Variants in PARVB observed in about 807,000 individuals in gnomAD.
The protein encoded by PARVB is beta-parvin.
In PARVB, 46 loss-of-function variants were observed where a neutral mutation model predicts 47.0. That is an observed-to-expected ratio of 0.98 (90% CI 0.77 to 1.25). The LOEUF (loss-of-function observed/expected upper bound fraction) is 1.25. Among genes scored for constraint, PARVB ranks in the 50% most tolerant of loss-of-function variants. PARVB has a pLI of 0.00. For synonymous variants in PARVB, 196 were observed against 196.3 expected (o/e 1.00, Z 0.01); for missense variants, 473 against 471.6 (o/e 1.00, Z -0.03).
chr22:44,142,390 A>T (rs893652451), intron 8 of PARVB: 1 of 84,102 alleles, frequency 1.2e-5, no homozygotes, highest in Non-Finnish European at 2.3e-5. Context: ...AAAAAAAAAA[A>T]AAAAAAAAAA....
chr22:44,009,511 T>C (rs1044336141), intron 2 of PARVB: 7 of 152,092 alleles, frequency 4.6e-5, no homozygotes, highest in African/African-American at 1.7e-4. Flanking sequence ...CAATTCCCCA[T>C]TGACAAAGTA....
intron 8 of PARVB, chr22:44,142,103 C>G (rs543077001): frequency 6.6e-6 from 1 of 152,092 alleles, no homozygotes; most frequent in Non-Finnish European, 1.5e-5. Flanking sequence ...GAGGGCCGGG[C>G]GCGGTGGCTC....
intron 1 of PARVB, among the ~76,000 whole-genome samples, chr22:44,029,420 CCTGATATCT>C (rs2050785626): frequency 6.6e-6 from 1 of 152,198 alleles, no homozygotes; most frequent in African/African-American, 2.4e-5. Context: ...GTCTCTTGAT[CCTGATATCT>C]CCTAAGCATT....
intron 2 of PARVB, among the ~76,000 whole-genome samples, chr22:44,000,140 G>C (rs1603421349): frequency 6.6e-6 from 1 of 152,332 alleles, no homozygotes; most frequent in Admixed American, 6.5e-5. Flanking sequence ...GAAGATCTTG[G>C]TGTATTCAGC....
At chr22:44,096,966 C>T (rs939975622) in intron 2 of PARVB, among the ~76,000 whole-genome samples, 2 of 152,262 alleles carry the variant, frequency 1.3e-5, no homozygotes, top group South Asian at 2.1e-4. Flanking sequence ...GAGCCCATGT[C>T]TGACCCCCCG....
In PARVB at chr22:44,011,862, A is replaced by G. The variant is rs535872695; in HGVS notation, c.211+12189A>G. ...CATCATTCTCTCCTTCATCCAAAAC[A>G]CCACTCTCATCCCCTCACTGCTCTC... is the stretch of plus-strand genomic sequence containing the variant. On this transcript the variant is annotated intron_variant, in intron 2 of 13. Transcript: ENST00000406477. 2.6e-5 allele frequency among the ~76,000 whole-genome samples: 4 copies of G among 152,106 alleles called. No homozygotes were observed. The South Asian group carries it at 8.3e-4, about 32-fold the overall frequency.
At chr22:44,131,097 T>A in intron 4 of PARVB, among the ~76,000 whole-genome samples, 1 of 126,730 alleles carries the variant, frequency 7.9e-6, no homozygotes, top group South Asian at 3.3e-4. Context: ...TTCTTCTCTC[T>A]CTCTCTCCTT....
intron 2 of PARVB, among the ~76,000 whole-genome samples, chr22:44,099,698 C>T (rs780280215): frequency 1.3e-5 from 2 of 152,170 alleles, no homozygotes; most frequent in Non-Finnish European, 2.9e-5. Flanking sequence ...CTACCTGGTG[C>T]CTGAAGCTTT....
chr22:44,052,339 G>T (rs2051224975), intron 1 of PARVB, among the ~76,000 whole-genome samples: 1 of 152,138 alleles, frequency 6.6e-6, no homozygotes, highest in Admixed American at 6.5e-5. Context: ...ATAAATTGTG[G>T]TTCGACAGCA....
At chr22:44,027,405 G>A (rs146996798) in intron 1 of PARVB, among the ~76,000 whole-genome samples, 2 of 152,268 alleles carry the variant, frequency 1.3e-5, no homozygotes, top group Non-Finnish European at 2.9e-5. Flanking sequence ...CGGGTGGAGT[G>A]CTCCACACAT....
At chr22:44,040,022 G>A (rs1054194349) in intron 1 of PARVB, 1 of 304,362 alleles carries the variant, frequency 3.3e-6, no homozygotes, top group Admixed American at 4.4e-5. Flanking sequence ...GAGCTAATCT[G>A]TGGTGGTTGC....
At chr22:44,123,559 GCATGCCAC>G (rs1262656623) in intron 4 of PARVB, among the ~76,000 whole-genome samples, 1 of 152,166 alleles carries the variant, frequency 6.6e-6, no homozygotes, top group African/African-American at 2.4e-5. Context: ...GAGTACAGGT[GCATGCCAC>G]CATGCATGAC....
rs771222375 is a variant in PARVB at position 44,089,077 on chromosome 22, C to T, written c.113-4851C>T. Among the ~76,000 whole-genome samples, 1 of 152,136 alleles carries T rather than the reference C, an allele frequency of 6.6e-6. No homozygotes were observed. Among genetic ancestry groups the T allele is most frequent in the Non-Finnish European group, 1.5e-5 (1 of 68,026 alleles). On this transcript the variant is annotated intron_variant, in intron 1 of 12. Coordinates refer to ENST00000338758, the MANE Select transcript of PARVB (RefSeq NM_013327.5). This position sits in a 1 kb window ranked among gnomAD's most constrained non-coding sequence, Gnocchi z 4.0. Reference sequence around the variant, plus strand: ...TCCCACTCTGCCATCCCGGGCTGAGCGAGGAGTGCCCGTCTCCAGAGACAG... The same window carrying T: ...TCCCACTCTGCCATCCCGGGCTGAGTGAGGAGTGCCCGTCTCCAGAGACAG...
rs1212316183 is a variant in PARVB, at chr22:44,162,142, T to C, written c.946-1716T>C. ...TTCTCCGAGCACAGGCCGTGTGCAC[T>C]GTGGAAGCTTTTCCAAAGCACCCCA... On this transcript the variant is annotated intron_variant, in intron 11 of 12. Transcript: ENST00000338758. Among the ~76,000 whole-genome samples, 5 of 152,254 alleles carry C rather than the reference T, an allele frequency of 3.3e-5. No individual in the cohort carries two copies. In the South Asian group the frequency reaches 1.0e-3, roughly 31 times the overall value.
intron 3 of PARVB, chr22:44,106,144 T>TG (rs2052562752): frequency 7.0e-6 from 1 of 143,322 alleles, no homozygotes; most frequent in Admixed American, 6.9e-5. Flanking sequence ...ATGTGTTTTT[T>TG]TTTTTTTTTT....
At chr22:44,046,869 A>C (rs146764891) in intron 1 of PARVB, among the ~76,000 whole-genome samples, 6 of 152,264 alleles carry the variant, frequency 3.9e-5, no homozygotes, top group African/African-American at 1.4e-4. Context: ...GGTCCTTATC[A>C]GTGCCGGGAG....
chr22:44,086,378 C>A (rs2052024765), intron 1 of PARVB, among the ~76,000 whole-genome samples: 1 of 152,202 alleles, frequency 6.6e-6, no homozygotes, highest in South Asian at 2.1e-4. Context: ...GCACTGTTAG[C>A]CTTTGCTGCC....
intron 2 of PARVB, among the ~76,000 whole-genome samples, chr22:44,011,138 T>C (rs542364893): frequency 6.6e-6 from 1 of 152,088 alleles, no homozygotes; most frequent in South Asian, 2.1e-4. Flanking sequence ...CTGACTAATT[T>C]TTTAAAAATA....
chr22:44,021,756 GACTCACACACACACACACACAC>G (rs1205241041), upstream of PARVB, among the ~76,000 whole-genome samples: 89 of 105,094 alleles, frequency 8.5e-4, no homozygotes, highest in South Asian at 2.0e-3. Flanking sequence ...GTAAAGTCTA[GACTCACACACACACACACACAC>G]ACACACACAC....
Sources: gnomAD v4.1 joint callset for allele counts (sites outside exome capture counted in the v4.1 genomes callset) on GRCh38, gnomAD v4.1.1 for gene constraint, Gnocchi (gnomAD v3.1) non-coding constraint, MANE v1.5 for transcripts, NCBI Gene and HGNC (gene_info 2026-07-23, HGNC 2026-07-21) for gene names.